Variants in PCSK5 observed in about 807,000 individuals in gnomAD.
PCSK5 encodes the protein prohormone convertase 5.
PCSK5 carries 129 observed loss-of-function variants against 233.2 expected under a neutral mutation model. The observed-to-expected ratio is 0.55, with a 90% CI of 0.48 to 0.64. PCSK5 has a LOEUF of 0.64. PCSK5 is among the 30% of genes least tolerant of loss of function. The pLI is 0.00. For synonymous variants in PCSK5, 825 were observed against 879.2 expected (o/e 0.94, Z 1.09); for missense variants, 2,076 against 2,430.1 (o/e 0.85, Z 3.06).
At chr9:76,226,024 A>G (rs1239892029) in intron 20 of PCSK5, among the ~76,000 whole-genome samples, 3 of 152,192 alleles carry the variant, frequency 2.0e-5, no homozygotes, top group East Asian at 1.9e-4. Context: ...TTTCCTAGTC[A>G]GTCCTGAAGT....
intron 10 of PCSK5, among the ~76,000 whole-genome samples, chr9:76,150,521 TACTGGG>T (rs1823627063): frequency 6.6e-6 from 1 of 152,048 alleles, no homozygotes; most frequent in African/African-American, 2.4e-5. Flanking sequence ...TAATCCCAGC[TACTGGG>T]GAGGCTGAGG....
Position 76,329,135 on chromosome 9 carries a change from G to A in PCSK5, c.4570+896G>A, listed in dbSNP as rs1216514359. On this transcript the variant is annotated intron_variant, in intron 33 of 37. Coordinates refer to ENST00000674117, the MANE Select transcript of PCSK5 (RefSeq NM_001372043.1). ...CGCCCGGCCACTTTTTTGTTTGTTT[G>A]TTTTTTGTTTTAAGAGACAAGTTGG... Among the ~76,000 whole-genome samples the A allele has an allele frequency of 2.0e-5, 3 of 151,378 alleles. No homozygotes were observed. In the East Asian group the frequency reaches 5.9e-4, roughly 30 times the overall value.
At chr9:75,973,799 A>C (rs527901442) in intron 2 of PCSK5, among the ~76,000 whole-genome samples, 1 of 152,334 alleles carries the variant, frequency 6.6e-6, no homozygotes, top group South Asian at 2.1e-4. Flanking sequence ...GGTCAAGGCC[A>C]ACTCTCATTT....
intron 5 of PCSK5, among the ~76,000 whole-genome samples, chr9:76,065,864 G>C (rs1006018931): frequency 2.0e-5 from 3 of 152,044 alleles, no homozygotes; most frequent in Admixed American, 2.0e-4. Context: ...CATTTTTTAT[G>C]TATGGATATC....
rs141378885 is a variant in PCSK5 at position 76,037,960 on chromosome 9, A to G, written c.632+10923A>G. ...CTTTGTTAAGAGTTTACCACTTCCT[A>G]TTTTTAGATATCCACGCACCAGCTG... On this transcript the variant is annotated intron_variant, in intron 5 of 37. Transcript: ENST00000674117. 6.2e-3 allele frequency among the ~76,000 whole-genome samples: 949 copies of G among 152,238 alleles called. 10 individuals carry two copies. The highest frequency in any genetic ancestry group is 0.02 in the African/African-American group (811 of 41,546).
rs970263291 is a variant in PCSK5 at position 76,252,095 on chromosome 9, G to A, written c.3142+11411G>A. ...ATCCTCGCTAACACGGTGAAACCCCGTCTCTACTAAAAATACAAAAACTTA... is the reference window on the plus strand; with the variant it reads ...ATCCTCGCTAACACGGTGAAACCCCATCTCTACTAAAAATACAAAAACTTA... On this transcript the variant is annotated intron_variant, in intron 24 of 37. Coordinates refer to ENST00000674117, the MANE Select transcript of PCSK5 (RefSeq NM_001372043.1). Among the ~76,000 whole-genome samples, 3 of 151,876 alleles carry A rather than the reference G, an allele frequency of 2.0e-5. No individual in the cohort carries two copies. The East Asian group carries it at 5.8e-4, about 29-fold the overall frequency.
chr9:76,136,557 C>T (rs1473600566), intron 10 of PCSK5, among the ~76,000 whole-genome samples: 1 of 152,026 alleles, frequency 6.6e-6, no homozygotes, highest in Non-Finnish European at 1.5e-5. Flanking sequence ...CGGAAGTTGC[C>T]TGCCTACAGA....
chr9:76,045,331 A>C (rs1282104549), intron 5 of PCSK5, among the ~76,000 whole-genome samples: 1 of 152,182 alleles, frequency 6.6e-6, no homozygotes, highest in Non-Finnish European at 1.5e-5. Context: ...TAAAACAGTG[A>C]TTATTTCAAC....
chr9:76,227,577 G>C lies in PCSK5; in HGVS notation c.2701G>C (p.Glu901Gln). The C allele has an allele frequency of 6.2e-7, 1 of 1,611,450 alleles. No homozygotes were observed. The highest frequency in any genetic ancestry group is 8.5e-7 in the Non-Finnish European group (1 of 1,179,158). Residue 901 changes from glutamate to glutamine, a missense_variant, in exon 21 of 38, where the codon GAA becomes CAA. Around this residue, in one of 6 missense-constraint regions of PCSK5, gnomAD observed 1,510 missense variants for 1,538.1 expected, o/e 0.98. Coordinates refer to ENST00000674117, the MANE Select transcript of PCSK5 (RefSeq NM_001372043.1). ...SCAKCQGPTQ[E>Q]DCTTCPMTRI... ...TGCCAAGTGCCAGGGACCAACCCAG[G>C]AAGACTGCACTACCTGCCCCATGAC... is the stretch of plus-strand genomic sequence containing the variant.
rs36017305 is a variant in PCSK5, at chr9:76,057,832, CTTTT to C, written c.633-10102_633-10099del. 6.2e-3 allele frequency among the ~76,000 whole-genome samples: 414 copies of C among 67,112 alleles called. 5 individuals carry two copies. The South Asian group carries it at 0.069, about 11-fold the overall frequency. The allele number at this position is 67,112 out of a possible 152,430, so 44.0% of individuals were successfully genotyped here. A position where few individuals can be genotyped will look rare whatever the true frequency, so the allele number is the denominator to read the frequency against. On this transcript the variant is annotated intron_variant, in intron 5 of 37. Transcript: ENST00000674117. ...TAAAACTCAGGAAAGTATTCAGGGGCTTTTTTTTTTTTTTTTTTTTTTTTGAGAC... is the reference window on the plus strand; with the variant it reads ...TAAAACTCAGGAAAGTATTCAGGGGCTTTTTTTTTTTTTTTTTTTTGAGAC...
chr9:76,155,085 A>G (rs1191699955), intron 10 of PCSK5, among the ~76,000 whole-genome samples: 3 of 152,216 alleles, frequency 2.0e-5, no homozygotes, highest in Non-Finnish European at 4.4e-5. Flanking sequence ...AAATTGCAGA[A>G]GTACCTGTAT....
At chr9:76,072,368 G>T (rs1277247152) in intron 7 of PCSK5, among the ~76,000 whole-genome samples, 1 of 152,122 alleles carries the variant, frequency 6.6e-6, no homozygotes, top group East Asian at 1.9e-4. Context: ...CAACCAAGTA[G>T]CTTAATGCAT....
intron 22 of PCSK5, among the ~76,000 whole-genome samples, chr9:76,235,137 G>T (rs1009563923): frequency 6.6e-6 from 1 of 152,136 alleles, no homozygotes; most frequent in Non-Finnish European, 1.5e-5. Flanking sequence ...TCTGGTATAT[G>T]GAAGGTTCAT....
At chr9:76,093,087 T>G (rs1831364984) in intron 7 of PCSK5, among the ~76,000 whole-genome samples, 1 of 133,460 alleles carries the variant, frequency 7.5e-6, no homozygotes, top group South Asian at 2.3e-4. Context: ...TCCCTTTTTT[T>G]TTTTTTTTTT....
chr9:75,981,673 T>C (rs1055863167), intron 2 of PCSK5, among the ~76,000 whole-genome samples: 2 of 152,090 alleles, frequency 1.3e-5, no homozygotes, highest in African/African-American at 4.8e-5. Context: ...CCACCTCAGC[T>C]GCCTAAGTAG....
At chr9:76,180,104 T>TATATATATAC (rs373590869) in intron 15 of PCSK5, among the ~76,000 whole-genome samples, 105 of 144,934 alleles carry the variant, frequency 7.2e-4, no homozygotes, top group African/African-American at 2.7e-3. Context: ...TATATATATA[T>TATATATATAC]ACACACACAC....
At chr9:76,234,473 C>G (rs566532939) in intron 22 of PCSK5, among the ~76,000 whole-genome samples, 2 of 152,220 alleles carry the variant, frequency 1.3e-5, no homozygotes, top group Non-Finnish European at 2.9e-5. Flanking sequence ...AATTATTGAT[C>G]TTTATTCTTC....
chr9:75,941,302 T>C (rs1055600517), intron 2 of PCSK5, among the ~76,000 whole-genome samples: 4 of 152,072 alleles, frequency 2.6e-5, no homozygotes, highest in Non-Finnish European at 5.9e-5. Flanking sequence ...ATCCAGGGTG[T>C]GTTGAGATCT....
chr9:76,330,685 A>G (rs765530142), intron 33 of PCSK5, among the ~76,000 whole-genome samples: 35 of 152,164 alleles, frequency 2.3e-4, no homozygotes, highest in Non-Finnish European at 4.7e-4. Context: ...CTTCATATTG[A>G]GCGAGGACAC....
Sources: gnomAD v4.1 joint callset for allele counts (sites outside exome capture counted in the v4.1 genomes callset) on GRCh38, gnomAD v4.1.1 for gene constraint, gnomAD v4.1.1 regional missense constraint, MANE v1.5 for transcripts, NCBI Gene and HGNC (gene_info 2026-07-23, HGNC 2026-07-21) for gene names.